The following NOX4 variants were observed in gnomAD, a reference collection of about 807,000 sequenced individuals.
The protein encoded by NOX4 is NADPH oxidase 4, also known as kidney oxidase-1.
A neutral mutation model predicts 87.6 loss-of-function variants in NOX4; 69 were observed. That is an observed-to-expected ratio of 0.79 (90% CI 0.65 to 0.96). The LOEUF is 0.96. NOX4 is among the 40% of genes least tolerant of loss of function. The pLI is 0.00. For synonymous variants in NOX4, 275 were observed against 238.2 expected (o/e 1.15, Z -1.42); for missense variants, 680 against 681.5 (o/e 1.00, Z 0.02).
At chr11:89,458,258 A>G (rs555227326) in intron 2 of NOX4, among the ~76,000 whole-genome samples, 9 of 152,276 alleles carry the variant, frequency 5.9e-5, no homozygotes, top group East Asian at 1.9e-4. Context: ...CAATATAAAA[A>G]TCAACTCAAG....
intron 13 of NOX4, among the ~76,000 whole-genome samples, chr11:89,347,659 C>A (rs1305635924): frequency 6.6e-6 from 1 of 152,130 alleles, no homozygotes; most frequent in Non-Finnish European, 1.5e-5. Flanking sequence ...AGCTTGAAGC[C>A]ACCCAAAGCT....
intron 4 of NOX4, 88 bp from the exon 5 acceptor site, chr11:89,444,320 C>T (rs952421376): frequency 3.0e-6 from 3 of 1,014,284 alleles, no homozygotes; most frequent in African/African-American, 1.6e-5. Flanking sequence ...TAAGTAAATA[C>T]AGGGCCAAAC....
chr11:89,552,102 TC>T, the NOX4 span, among the ~76,000 whole-genome samples: 4 of 152,200 alleles, frequency 2.6e-5, no homozygotes, highest in African/African-American at 9.7e-5. Flanking sequence ...TAAAATGTTA[TC>T]TGTTCCTCAT....
intron 13 of NOX4, among the ~76,000 whole-genome samples, chr11:89,347,420 T>C (rs1290280549): frequency 6.6e-6 from 1 of 152,208 alleles, no homozygotes; most frequent in African/African-American, 2.4e-5. Context: ...GTGATGAGAA[T>C]TCACTTTTGC....
chr11:89,458,160 A>G (rs1167093029), intron 2 of NOX4, among the ~76,000 whole-genome samples: 1 of 152,216 alleles, frequency 6.6e-6, no homozygotes, highest in African/African-American at 2.4e-5. Flanking sequence ...TTCGAATTAT[A>G]CTACAAGACT....
chr11:89,337,981 G>A (rs184654708), intron 15 of NOX4, among the ~76,000 whole-genome samples: 47 of 151,930 alleles, frequency 3.1e-4, no homozygotes, highest in Non-Finnish European at 5.4e-4. Context: ...CCTTCCTTCC[G>A]CTTATTCAAT....
intron 6 of NOX4, among the ~76,000 whole-genome samples, chr11:89,438,581 T>G (rs1173517572): frequency 1.2e-5 from 1 of 86,746 alleles, no homozygotes; most frequent in Non-Finnish European, 1.9e-5. Flanking sequence ...ATATACTATA[T>G]ATTATATACT....
At chr11:89,532,318 A>T in the NOX4 span, among the ~76,000 whole-genome samples, 5 of 152,298 alleles carry the variant, frequency 3.3e-5, no homozygotes, top group East Asian at 9.7e-4. Flanking sequence ...AGAGCTACCC[A>T]AGGCCTTGGG....
chr11:89,419,907 C>A (rs1275069285), intron 8 of NOX4, among the ~76,000 whole-genome samples: 1 of 151,500 alleles, frequency 6.6e-6, no homozygotes, highest in Non-Finnish European at 1.5e-5. Flanking sequence ...AACATAAAGG[C>A]AAAATAATAT....
chr11:89,438,938 T>C (rs541595050), intron 6 of NOX4, among the ~76,000 whole-genome samples: 9 of 54,376 alleles, frequency 1.7e-4, no homozygotes, highest in East Asian at 4.9e-4. Context: ...AATAATATAA[T>C]ATATATTATT....
intron 2 of NOX4, among the ~76,000 whole-genome samples, chr11:89,463,785 A>G (rs935354244): frequency 1.3e-5 from 2 of 151,972 alleles, no homozygotes; most frequent in African/African-American, 4.8e-5. Context: ...AAGTGGACAA[A>G]TAGATATAAT....
intron 17 of NOX4, among the ~76,000 whole-genome samples, chr11:89,331,128 C>T (rs1945450981): frequency 6.6e-6 from 1 of 151,792 alleles, no homozygotes; most frequent in Non-Finnish European, 1.5e-5. Context: ...GGATTAGAAT[C>T]ACAAGGAGTT....
chr11:89,543,231 A>C, the NOX4 span, among the ~76,000 whole-genome samples: 1 of 152,188 alleles, frequency 6.6e-6, no homozygotes, highest in Non-Finnish European at 1.5e-5. Flanking sequence ...AAAATAAATA[A>C]GCAAATTAGT....
chr11:89,444,281 T>C lies in NOX4; in HGVS notation c.350-49A>G, dbSNP rs1045370239. 8.1e-6 allele frequency: 12 copies of C among 1,479,562 alleles called. No homozygotes were observed. In the African/African-American group the frequency reaches 1.5e-4, roughly 19 times the overall value. The allele number at this position is 1,479,562 out of a possible 1,614,324, so 91.7% of individuals were successfully genotyped here. A position where few individuals can be genotyped will look rare whatever the true frequency, so the allele number is the denominator to read the frequency against. On this transcript the variant is annotated intron_variant, in intron 4 of 17. Coordinates refer to ENST00000263317, the MANE Select transcript of NOX4 (RefSeq NM_016931.5). Reference sequence around the variant, plus strand: ...GTTAGTGGGATTTGCATATATGCTCTATGTCAAGGACTCAGTTCTTCCTCT... The same window carrying C: ...GTTAGTGGGATTTGCATATATGCTCCATGTCAAGGACTCAGTTCTTCCTCT...
At chr11:89,338,446 G>C (rs1190203993) in intron 15 of NOX4, among the ~76,000 whole-genome samples, 1 of 151,906 alleles carries the variant, frequency 6.6e-6, no homozygotes, top group Non-Finnish European at 1.5e-5. Context: ...TGCTTCTATG[G>C]GCATTGGCAT....
the NOX4 span, among the ~76,000 whole-genome samples, chr11:89,518,899 T>C: frequency 6.8e-6 from 1 of 146,858 alleles, no homozygotes; most frequent in Admixed American, 7.2e-5. Flanking sequence ...TCTGTGATTA[T>C]GATAAAAAAA....
intron 11 of NOX4, among the ~76,000 whole-genome samples, chr11:89,383,234 C>G (rs1318537778): frequency 6.6e-6 from 1 of 152,196 alleles, no homozygotes; most frequent in Non-Finnish European, 1.5e-5. Flanking sequence ...CCTTAAGGAC[C>G]TCCTCCCTCA....
intron 2 of NOX4, among the ~76,000 whole-genome samples, chr11:89,466,027 T>G (rs1430765834): frequency 6.6e-6 from 1 of 152,062 alleles, no homozygotes; most frequent in Non-Finnish European, 1.5e-5. Context: ...ATACCTCCTC[T>G]CCTTCTCTCA....
At chr11:89,499,221 C>T (rs1419231054), upstream of NOX4, 1 of 152,186 alleles carries the variant, frequency 6.6e-6, no homozygotes, top group African/African-American at 2.4e-5. Context: ...CTTACTTACA[C>T]CCCTTGTCCT....
Sources: gnomAD v4.1 joint callset for allele counts (sites outside exome capture counted in the v4.1 genomes callset) on GRCh38, gnomAD v4.1.1 for gene constraint, MANE v1.5 for transcripts, NCBI Gene and HGNC (gene_info 2026-07-23, HGNC 2026-07-21) for gene names.